The following PYGO1 variants were observed in gnomAD, a reference collection of about 807,000 sequenced individuals.
PYGO1 encodes the protein pygopus homolog 1.
A neutral mutation model predicts 29.5 loss-of-function variants in PYGO1; 6 were observed. The ratio of observed to expected loss-of-function variants is 0.20; its 90% CI spans 0.11 to 0.40. PYGO1 has a LOEUF of 0.40. Among genes scored for constraint, PYGO1 ranks in the 10% least tolerant of loss-of-function variants. The pLI is 1.00. For synonymous variants in PYGO1, 186 were observed against 180.5 expected, an observed-to-expected ratio of 1.03 and a Z score of -0.24; for missense variants, 515 against 514.9, an observed-to-expected ratio of 1.00 and a Z score of 0.00.
chr15:55,555,844 G>GA (rs1443491423), intron 1 of PYGO1, among the ~76,000 whole-genome samples: 1 of 151,858 alleles, frequency 6.6e-6, no homozygotes, highest in East Asian at 1.9e-4. Context: ...AATTTATCAA[G>GA]AAAATGAAAA....
intron 1 of PYGO1, among the ~76,000 whole-genome samples, chr15:55,565,722 A>T (rs184992131): frequency 6.6e-6 from 1 of 152,102 alleles, no homozygotes; most frequent in African/African-American, 2.4e-5. Flanking sequence ...TCCCCCAAAA[A>T]AAAACAAAAA....
chr15:55,546,689 G>C lies in PYGO1; in HGVS notation c.594C>G (p.Pro198=), dbSNP rs369355207. Residue 198 remains proline (P), a synonymous_variant, in exon 3 of 3, where the codon CCC becomes CCG. Coordinates refer to ENST00000563719, the MANE Select transcript of PYGO1 (RefSeq NM_001367806.1). ...PPQNASQVSN[P]DLASNFVPGN... Reference sequence around the variant, plus strand: ...CAGGAACAAAATTAGATGCCAAATCGGGGTTAGAAACTTGGCTAGCATTCT... The same window carrying C: ...CAGGAACAAAATTAGATGCCAAATCCGGGTTAGAAACTTGGCTAGCATTCT... The C allele has an allele frequency of 6.2e-7, 1 of 1,613,820 alleles. No homozygotes were observed. The highest frequency in any genetic ancestry group is 8.5e-7 in the Non-Finnish European group (1 of 1,179,884).
intron 2 of PYGO1, 72 bp downstream of exon 2, chr15:55,548,838 A>C: frequency 8.0e-7 from 1 of 1,247,922 alleles, no homozygotes; most frequent in South Asian, 1.4e-5. Flanking sequence ...CTTATGACCA[A>C]GTTCAAATTT....
chr15:55,556,722 C>T (rs530226145), intron 1 of PYGO1, among the ~76,000 whole-genome samples: 6 of 150,364 alleles, frequency 4.0e-5, no homozygotes, highest in Non-Finnish European at 1.5e-5. Context: ...GTTGGTATTT[C>T]GAAAAAATTA....
chr15:55,576,354 G>A (rs1374333173), intron 1 of PYGO1, among the ~76,000 whole-genome samples: 1 of 146,288 alleles, frequency 6.8e-6, no homozygotes, highest in South Asian at 2.2e-4. Context: ...TACTTGGGAG[G>A]CTGAGGCAGG....
rs746328743 is a variant in PYGO1, at chr15:55,546,783, T to A, written c.500A>T (p.Gln167Leu). Reference sequence around the variant, plus strand: ...ATGTTGATTAGGCATGTTGACATTCTGACTTAGTGCATTATTATAAGATGG... The same window carrying A: ...ATGTTGATTAGGCATGTTGACATTCAGACTTAGTGCATTATTATAAGATGG... ...GNPSYNNALS[Q>L]NVNMPNQHFR... The change falls in exon 3 of 3, where the codon CAG (glutamine) becomes CTG (leucine). Residue 167 changes from glutamine (Q) to leucine (L), a missense_variant. Physicochemically the swap from Gln to Leu is moderately radical, Grantham distance 113 (BLOSUM62 -2). Coordinates refer to ENST00000563719, the MANE Select transcript of PYGO1 (RefSeq NM_001367806.1). The A allele has an allele frequency of 6.2e-7, 1 of 1,614,124 alleles. No individual in the cohort carries two copies. Among genetic ancestry groups the A allele is most frequent in the South Asian group, 1.1e-5 (1 of 91,080 alleles).
chr15:55,548,066 C>T lies in PYGO1; in HGVS notation c.135+844G>A, dbSNP rs533554637. On this transcript the variant is annotated intron_variant, in intron 2 of 2. Transcript: ENST00000563719. ...ACAGAGTCTCACGCTGTCACCAAGG[C>T]TGGAGTGCAGTGGCGTGATCTCAGC... Among the ~76,000 whole-genome samples, 139 of 152,206 alleles carry T rather than the reference C, an allele frequency of 9.1e-4. 1 individual carries two copies. The South Asian group carries it at 0.028, about 31-fold the overall frequency.
At chr15:55,555,016 G>C (rs1258829383) in intron 1 of PYGO1, among the ~76,000 whole-genome samples, 1 of 151,856 alleles carries the variant, frequency 6.6e-6, no homozygotes, top group East Asian at 1.9e-4. Flanking sequence ...GAGAACCCCA[G>C]TAAAATAATG....
At chr15:55,580,869 A>G (rs1041340356) in intron 1 of PYGO1, among the ~76,000 whole-genome samples, 5 of 152,126 alleles carry the variant, frequency 3.3e-5, no homozygotes, top group Non-Finnish European at 5.9e-5. Flanking sequence ...TCATCTTCCC[A>G]GGAGGTAACT....
At chr15:55,570,871 C>T (rs62021865) in intron 1 of PYGO1, among the ~76,000 whole-genome samples, 8,211 of 151,958 alleles carry the variant, frequency 0.054, 278 homozygotes, top group Middle Eastern at 0.068. Context: ...TTAATTTTAA[C>T]TTTTAATTGT....
intron 1 of PYGO1, among the ~76,000 whole-genome samples, chr15:55,580,358 G>C (rs1369819968): frequency 6.6e-6 from 1 of 152,106 alleles, no homozygotes; most frequent in East Asian, 1.9e-4. Flanking sequence ...AACAAAATAA[G>C]AATCTGCTGT....
At chr15:55,552,709 G>A (rs907328343) in intron 1 of PYGO1, among the ~76,000 whole-genome samples, 8 of 152,122 alleles carry the variant, frequency 5.3e-5, no homozygotes, top group Non-Finnish European at 1.2e-4. Flanking sequence ...CCTTGGGTCC[G>A]ATATACAGAG....
At chr15:55,561,813 G>A (rs1259307504) in intron 1 of PYGO1, among the ~76,000 whole-genome samples, 1 of 152,104 alleles carries the variant, frequency 6.6e-6, no homozygotes, top group Non-Finnish European at 1.5e-5. Flanking sequence ...ATTTCACGGT[G>A]AAAACTCCAA....
intron 1 of PYGO1, among the ~76,000 whole-genome samples, chr15:55,570,388 T>C (rs2058975322): frequency 6.6e-6 from 1 of 152,190 alleles, no homozygotes; most frequent in Admixed American, 6.5e-5. Context: ...TTTACTCTGA[T>C]TTATCAAAAA....
chr15:55,566,866 G>C (rs568321141), intron 1 of PYGO1, among the ~76,000 whole-genome samples: 1 of 152,246 alleles, frequency 6.6e-6, no homozygotes, highest in African/African-American at 2.4e-5. Context: ...AGGTAGCTGA[G>C]ACTACAGGTG....
Position 55,553,729 on chromosome 15 carries a change from C to T in PYGO1, c.50-4734G>A, listed in dbSNP as rs527762266. On this transcript the variant is annotated intron_variant, in intron 1 of 2. Transcript: ENST00000563719. Reference sequence around the variant, plus strand: ...CCCAGCCTCTAGACAGTGGTGAAACCTCTGAACCGGGGTCTCCAGATACCT... The same window carrying T: ...CCCAGCCTCTAGACAGTGGTGAAACTTCTGAACCGGGGTCTCCAGATACCT... 2.8e-4 allele frequency among the ~76,000 whole-genome samples: 43 copies of T among 152,134 alleles called. No homozygotes were observed. The East Asian group carries it at 5.6e-3, about 20-fold the overall frequency.
At chr15:55,579,026 T>C (rs1315376942) in intron 1 of PYGO1, among the ~76,000 whole-genome samples, 1 of 152,224 alleles carries the variant, frequency 6.6e-6, no homozygotes, top group Non-Finnish European at 1.5e-5. Flanking sequence ...ATTTTAATTT[T>C]AATTTGATGT....
At chr15:55,576,317 G>A (rs978397934) in intron 1 of PYGO1, among the ~76,000 whole-genome samples, 2 of 149,480 alleles carry the variant, frequency 1.3e-5, no homozygotes, top group East Asian at 2.0e-4. Flanking sequence ...TTAGCCGGGC[G>A]TAGTGGCGGG....
At chr15:55,586,366 G>A (rs1479766314) in intron 1 of PYGO1, among the ~76,000 whole-genome samples, 6 of 152,130 alleles carry the variant, frequency 3.9e-5, no homozygotes, top group Non-Finnish European at 8.8e-5. Flanking sequence ...TCAAAACTCT[G>A]CAGACCTTTT....
Sources: allele counts gnomAD v4.1 joint callset (sites outside exome capture counted in the v4.1 genomes callset), GRCh38; gene constraint gnomAD v4.1.1; transcripts MANE v1.5; gene names NCBI Gene and HGNC (gene_info 2026-07-23, HGNC 2026-07-21).